The following EMCN variants were observed in gnomAD, a reference collection of about 807,000 sequenced individuals.
EMCN encodes the protein MUC-14.
EMCN carries 37 observed loss-of-function variants against 38.4 expected under a neutral mutation model. The ratio of observed to expected loss-of-function variants is 0.96; its 90% confidence interval spans 0.74 to 1.27. The LOEUF (loss-of-function observed/expected upper bound fraction) is 1.27, where lower values mean the gene tolerates loss of function less well. EMCN is among the 50% of genes most tolerant of loss of function. EMCN has a pLI of 0.00. For missense variants in EMCN, 318 were observed against 302.8 expected, an observed-to-expected ratio of 1.05 and a Z score of -0.37; for synonymous variants, 95 against 100.8, an observed-to-expected ratio of 0.94 and a Z score of 0.35.
chr4:100,506,259 C>A (rs1266635042), intron 1 of EMCN, among the ~76,000 whole-genome samples: 1 of 152,120 alleles, frequency 6.6e-6, no homozygotes, highest in Non-Finnish European at 1.5e-5. Flanking sequence ...TGAGATTGAG[C>A]TGGCAAGCCT....
intron 1 of EMCN, among the ~76,000 whole-genome samples, chr4:100,498,996 G>A (rs1454050937): frequency 3.3e-5 from 5 of 151,800 alleles, no homozygotes; most frequent in Non-Finnish European, 7.4e-5. Flanking sequence ...ATCCTCAAGT[G>A]TACATTTTGT....
At chr4:100,493,741 T>G (rs1408245918) in intron 1 of EMCN, among the ~76,000 whole-genome samples, 3 of 152,196 alleles carry the variant, frequency 2.0e-5, no homozygotes, top group Non-Finnish European at 4.4e-5. Context: ...AGTGAGTTAT[T>G]TATATTTTAA....
intron 1 of EMCN, among the ~76,000 whole-genome samples, chr4:100,510,513 G>A (rs546738129): frequency 7.9e-5 from 12 of 152,066 alleles, no homozygotes; most frequent in South Asian, 4.2e-4. Context: ...TTTCATCTAC[G>A]GTGCAGGATA....
At position 100,395,853 on chromosome 4, in the gene EMCN, G is replaced by A. The variant is rs981788447; in HGVS notation, c.*2560C>T. ...AGCCAACAACATCCACTTAGTCTCA[G>A]GTGACAACAGTGCCAGTTAATTAGC... is the stretch of plus-strand genomic sequence containing the variant. On this transcript the variant is annotated 3_prime_UTR_variant, in exon 12 of 12. Coordinates refer to ENST00000296420, the MANE Select transcript of EMCN (RefSeq NM_016242.4). 6.6e-6 allele frequency: 1 copy of A among 152,098 alleles called. No individual in the cohort carries two copies. Among genetic ancestry groups the A allele is most frequent in the Non-Finnish European group, 1.5e-5 (1 of 68,010 alleles). The allele number at this position is 152,098 out of a possible 1,614,324, so 9.4% of individuals were successfully genotyped here. A position where few individuals can be genotyped will look rare whatever the true frequency, so the allele number is the denominator to read the frequency against.
rs368079096 is a variant in EMCN at position 100,417,102 on chromosome 4, T to C, written c.689+15A>G. The C allele has an allele frequency of 6.2e-7, 1 of 1,613,100 alleles. No homozygotes were observed. Among genetic ancestry groups the C allele is most frequent in the East Asian group, 2.2e-5 (1 of 44,824 alleles). On this transcript the variant is annotated intron_variant, in intron 9 of 11. Coordinates refer to ENST00000296420, the MANE Select transcript of EMCN (RefSeq NM_016242.4). ...ATGGTAGGGTCTAAACAAAAGATGA[T>C]ATGGGCTTACTTACTGATCATTTCC...
At chr4:100,487,014 G>A in intron 1 of EMCN, 1 of 985,144 alleles carries the variant, frequency 1.0e-6, no homozygotes, top group Non-Finnish European at 1.2e-6. Flanking sequence ...CAGTTTGGTT[G>A]AGGAATTTCA....
chr4:100,500,226 A>G (rs1311517968), intron 1 of EMCN, among the ~76,000 whole-genome samples: 1 of 152,200 alleles, frequency 6.6e-6, no homozygotes, highest in Non-Finnish European at 1.5e-5. Context: ...AGTAGTAATC[A>G]TTCTTAAGAC....
intron 7 of EMCN, 96 bp downstream of exon 7, chr4:100,422,925 A>G (rs1726932940): frequency 2.4e-6 from 3 of 1,240,834 alleles, no homozygotes; most frequent in East Asian, 4.7e-5. Context: ...TAAAGTTGAG[A>G]AAAGGCTGCC....
intron 1 of EMCN, among the ~76,000 whole-genome samples, chr4:100,513,639 C>T (rs1310813249): frequency 1.3e-5 from 2 of 152,038 alleles, no homozygotes; most frequent in East Asian, 3.9e-4. Flanking sequence ...GATAAGAATC[C>T]CTTTCCCTTA....
chr4:100,473,815 A>T (rs2110273568), intron 3 of EMCN: 1 of 146,858 alleles, frequency 6.8e-6, no homozygotes, highest in Admixed American at 6.8e-5. Flanking sequence ...AGCTGAGCGA[A>T]AATTAAAAAA....
rs146436932 is a variant in EMCN, at chr4:100,396,492, C to T, written c.*1921G>A. The T allele has an allele frequency of 5.4e-5, 8 of 148,786 alleles. No homozygotes were observed. The East Asian group carries it at 9.9e-4, about 18-fold the overall frequency. 9.2% of individuals were successfully genotyped at this position (148,786 alleles called of 1,614,324 possible). ...GTAACATGGTTTTTGCTGAAGAGCT[C>T]GGTAAATTATCTAGGTGTGCTGGGA... On this transcript the variant is annotated 3_prime_UTR_variant, in exon 12 of 12. Coordinates refer to ENST00000296420, the MANE Select transcript of EMCN (RefSeq NM_016242.4).
intron 5 of EMCN, chr4:100,446,292 A>G: frequency 1.4e-6 from 1 of 735,676 alleles, no homozygotes. Context: ...TAATGAATTA[A>G]AAAAATGGTG....
intron 5 of EMCN, among the ~76,000 whole-genome samples, chr4:100,437,351 A>G (rs72923837): frequency 0.031 from 4,698 of 152,006 alleles, 256 homozygotes; most frequent in African/African-American, 0.11. Flanking sequence ...AATTTGTAGC[A>G]TGCTGTTTTA....
intron 5 of EMCN, among the ~76,000 whole-genome samples, chr4:100,424,011 T>A (rs997712090): frequency 7.9e-5 from 12 of 152,100 alleles, no homozygotes; most frequent in Admixed American, 5.2e-4. Context: ...GTGCTCTTTT[T>A]TTTCCAAGGA....
intron 5 of EMCN, among the ~76,000 whole-genome samples, chr4:100,446,925 T>G (rs1727687979): frequency 6.6e-6 from 1 of 152,298 alleles, no homozygotes; most frequent in South Asian, 2.1e-4. Flanking sequence ...TTATGAGATT[T>G]GTCATTTGTA....
chr4:100,429,823 C>A (rs1205211166), intron 5 of EMCN, among the ~76,000 whole-genome samples: 1 of 151,942 alleles, frequency 6.6e-6, no homozygotes, highest in African/African-American at 2.4e-5. Flanking sequence ...TATTTTTAAT[C>A]CTGTGTTTTA....
At chr4:100,481,088 T>C (rs1431189739) in intron 1 of EMCN, among the ~76,000 whole-genome samples, 2 of 152,120 alleles carry the variant, frequency 1.3e-5, no homozygotes, top group East Asian at 3.9e-4. Flanking sequence ...TTCACGTCTA[T>C]GGAAAGCATT....
At chr4:100,462,209 T>C (rs1191820280) in intron 4 of EMCN, among the ~76,000 whole-genome samples, 1 of 152,148 alleles carries the variant, frequency 6.6e-6, no homozygotes, top group Non-Finnish European at 1.5e-5. Flanking sequence ...CAACAGTAAA[T>C]ACGCTTATTT....
intron 1 of EMCN, among the ~76,000 whole-genome samples, chr4:100,515,406 G>A (rs539443923): frequency 2.4e-4 from 37 of 152,094 alleles, no homozygotes; most frequent in Admixed American, 6.6e-4. Context: ...TTTCCAAATT[G>A]GAGACTGAAA....
Sources: allele counts gnomAD v4.1 joint callset (sites outside exome capture counted in the v4.1 genomes callset), GRCh38; gene constraint gnomAD v4.1.1; transcripts MANE v1.5; gene names NCBI Gene and HGNC (gene_info 2026-07-23, HGNC 2026-07-21).